Variants in ZFHX3 observed in about 807,000 individuals in gnomAD.
The protein encoded by ZFHX3 is zinc finger homeobox 3.
A neutral mutation model predicts 279.1 loss-of-function variants in ZFHX3; 42 were observed. The observed-to-expected ratio is 0.15, with a 90% CI of 0.12 to 0.19. The LOEUF (loss-of-function observed/expected upper bound fraction) is 0.19. Ranked by LOEUF, ZFHX3 falls within the 10% of genes least tolerant of loss-of-function variation. ZFHX3 has a pLI of 1.00. For missense variants in ZFHX3, 4,981 were observed against 4,754.0 expected (o/e 1.05, Z -1.40); for synonymous variants, 2,293 against 1,957.8 (o/e 1.17, Z -4.52).
At chr16:72,884,445 G>A (rs768785013) in intron 4 of ZFHX3, among the ~76,000 whole-genome samples, 9 of 152,320 alleles carry the variant, frequency 5.9e-5, no homozygotes, top group Non-Finnish European at 1.3e-4. Flanking sequence ...AGTCATCAGT[G>A]TGTCCATATT....
chr16:73,335,170 C>A (rs891925749), intron 3 of ZFHX3, among the ~76,000 whole-genome samples: 1 of 152,046 alleles, frequency 6.6e-6, no homozygotes, highest in Non-Finnish European at 1.5e-5. Context: ...GGGTGCCAAA[C>A]TGTTGAAGTG....
rs774758704 is a variant in ZFHX3 at position 72,958,914 on chromosome 16, A to G, written c.1232T>C (p.Leu411Pro). 1.2e-6 allele frequency: 2 copies of G among 1,603,060 alleles called. No homozygotes were observed. The highest frequency in any genetic ancestry group is 1.7e-6 in the Non-Finnish European group (2 of 1,174,258). Residue 411 changes from leucine to proline, a missense_variant, in exon 2 of 10, where the codon CTG becomes CCG. Physicochemically the swap from Leu to Pro is moderately conservative, Grantham distance 98. Transcript: ENST00000268489. ...GGGGACTGAGGTAATGGGGGTCTTC[A>G]GTACCGAGCTGGTGAGCCCGCCAAG... ...LNLGGLTSSV[L>P]KTPITSVPLG...
intron 2 of ZFHX3, among the ~76,000 whole-genome samples, chr16:73,566,255 C>T (rs893669684): frequency 1.3e-5 from 2 of 152,248 alleles, no homozygotes; most frequent in Non-Finnish European, 2.9e-5. Flanking sequence ...AATCAGATGG[C>T]TTCTCCTGTT....
intron 3 of ZFHX3, among the ~76,000 whole-genome samples, chr16:73,399,033 ATTT>A (rs531100796): frequency 2.1e-3 from 297 of 139,578 alleles, no homozygotes; most frequent in African/African-American, 7.6e-3. Context: ...CCCCCCGCTA[ATTT>A]TTTTTTTTTT....
At chr16:72,972,782 AC>A (rs535927019) in intron 1 of ZFHX3, among the ~76,000 whole-genome samples, 29 of 151,268 alleles carry the variant, frequency 1.9e-4, no homozygotes, top group African/African-American at 7.0e-4. Context: ...ATCTTCCCCC[AC>A]TTCACTTCTG....
chr16:73,326,102 T>C (rs2015682969), intron 3 of ZFHX3, among the ~76,000 whole-genome samples: 1 of 152,168 alleles, frequency 6.6e-6, no homozygotes, highest in Non-Finnish European at 1.5e-5. Flanking sequence ...GATGGAGAGA[T>C]AGAAGCTCAG....
chr16:73,532,282 A>G (rs879295196), intron 2 of ZFHX3, among the ~76,000 whole-genome samples: 1 of 152,088 alleles, frequency 6.6e-6, no homozygotes, highest in East Asian at 1.9e-4. Context: ...AAGTCTCATG[A>G]GACCTGATGG....
chr16:73,797,009 C>A lies in ZFHX3; in HGVS notation c.-1608+94642G>T, dbSNP rs192816846. Among the ~76,000 whole-genome samples the A allele has an allele frequency of 3.7e-3, 563 of 152,112 alleles. 5 individuals carry two copies. Among genetic ancestry groups the A allele is most frequent in the Admixed American group, 8.7e-3 (133 of 15,282 alleles). On this transcript the variant is annotated intron_variant, in intron 1 of 17. Coordinates refer to the ZFHX3 transcript ENST00000641206. ...CAGAGGTCGGGAGTTCGAGACCAGC[C>A]TGGCCAACATGGCGAAACCCTGTCT...
At chr16:72,852,174 G>A (rs1410625520) in intron 4 of ZFHX3, among the ~76,000 whole-genome samples, 9 of 142,936 alleles carry the variant, frequency 6.3e-5, no homozygotes. Flanking sequence ...ATTTTGATCT[G>A]TTGATCAACT....
chr16:72,987,472 G>A (rs1459163306), intron 1 of ZFHX3, among the ~76,000 whole-genome samples: 1 of 152,080 alleles, frequency 6.6e-6, no homozygotes, highest in African/African-American at 2.4e-5. Flanking sequence ...TTAGGTAGAG[G>A]GACCTCTACC....
chr16:73,811,658 G>A (rs149215166), intron 1 of ZFHX3, among the ~76,000 whole-genome samples: 3 of 152,066 alleles, frequency 2.0e-5, no homozygotes, highest in Admixed American at 6.5e-5. Flanking sequence ...TGTTGGCCAG[G>A]CTGGTCTCGA....
intron 7 of ZFHX3, chr16:73,093,706 G>A (rs1417679127): frequency 4.2e-6 from 1 of 240,938 alleles, no homozygotes; most frequent in Admixed American, 4.4e-5. Flanking sequence ...TCACCATAAT[G>A]CCCTCCTGGC....
chr16:73,570,949 C>CAA (rs71156173), intron 2 of ZFHX3, among the ~76,000 whole-genome samples: 3,796 of 142,050 alleles, frequency 0.027, 72 homozygotes, highest in Middle Eastern at 0.056. Context: ...CTTTTCTTCT[C>CAA]AAAAAAAAAA....
intron 3 of ZFHX3, among the ~76,000 whole-genome samples, chr16:73,378,919 T>C (rs1050627901): frequency 6.6e-6 from 1 of 152,188 alleles, no homozygotes; most frequent in African/African-American, 2.4e-5. Flanking sequence ...CATCTACCTT[T>C]TTAAGATTGT....
chr16:73,673,261 C>T (rs1038033548), intron 2 of ZFHX3, among the ~76,000 whole-genome samples: 7 of 151,986 alleles, frequency 4.6e-5, no homozygotes, highest in African/African-American at 9.7e-5. Context: ...GCCACTGTCC[C>T]GCTAATTTTC....
chr16:72,961,357 G>A (rs994730594), intron 1 of ZFHX3, among the ~76,000 whole-genome samples: 1 of 152,208 alleles, frequency 6.6e-6, no homozygotes, highest in African/African-American at 2.4e-5. Context: ...TCATGTCCCT[G>A]GGGAGGGAGG....
chr16:73,737,988 T>G (rs972860922), intron 1 of ZFHX3, among the ~76,000 whole-genome samples: 1 of 152,148 alleles, frequency 6.6e-6, no homozygotes, highest in Non-Finnish European at 1.5e-5. Flanking sequence ...AGGTCAAAAC[T>G]AATGGCAACG....
chr16:73,374,565 G>C (rs962184906), intron 3 of ZFHX3, among the ~76,000 whole-genome samples: 9 of 152,202 alleles, frequency 5.9e-5, no homozygotes, highest in Admixed American at 3.9e-4. Context: ...TTTCCTTAAT[G>C]TCATCGAACA....
At chr16:73,400,641 T>C (rs1368230246) in intron 3 of ZFHX3, 1 of 152,108 alleles carries the variant, frequency 6.6e-6, no homozygotes, top group African/African-American at 2.4e-5. Flanking sequence ...CTCCCGAACA[T>C]CTGATCTAAG....
Sources: gnomAD v4.1 joint callset for allele counts (sites outside exome capture counted in the v4.1 genomes callset) on GRCh38, gnomAD v4.1.1 for gene constraint, MANE v1.5 for transcripts, NCBI Gene and HGNC (gene_info 2026-07-23, HGNC 2026-07-21) for gene names.